Variants in ASAP1 observed in about 807,000 individuals in gnomAD.
ASAP1 encodes the protein arf-GAP with SH3 domain, ANK repeat and PH domain-containing protein 1.
In ASAP1, 43 loss-of-function variants were observed where a neutral mutation model predicts 145.2. The observed-to-expected ratio is 0.30, with a 90% CI of 0.23 to 0.38. The LOEUF (loss-of-function observed/expected upper bound fraction) is 0.38, where lower values mean the gene tolerates loss of function less well. Among genes scored for constraint, ASAP1 ranks in the 10% least tolerant of loss-of-function variants. The probability of loss-of-function intolerance (pLI) is 1.00; values close to 1 mark genes in which losing one functional copy is unlikely to be tolerated. For missense variants in ASAP1, 1,018 were observed against 1,355.3 expected, an observed-to-expected ratio of 0.75 and a Z score of 3.91; for synonymous variants, 546 against 515.5, an observed-to-expected ratio of 1.06 and a Z score of -0.80.
chr8:130,137,515 G>C (rs1372246167), intron 13 of ASAP1, among the ~76,000 whole-genome samples: 1 of 152,144 alleles, frequency 6.6e-6, no homozygotes, highest in Non-Finnish European at 1.5e-5. Context: ...AAATGTAGCT[G>C]AGCTATATTT....
chr8:130,088,698 A>G (rs554801189), intron 25 of ASAP1, among the ~76,000 whole-genome samples: 1 of 152,342 alleles, frequency 6.6e-6, no homozygotes, highest in African/African-American at 2.4e-5. Flanking sequence ...TATGCGTTAC[A>G]GGAGCCTCAG....
chr8:130,214,652 C>T lies in ASAP1; in HGVS notation c.309G>A (p.Gly103=), dbSNP rs186247599. 6.2e-7 allele frequency: 1 copy of T among 1,609,408 alleles called. No homozygotes were observed. Among genetic ancestry groups the T allele is most frequent in the Admixed American group, 1.7e-5 (1 of 59,310 alleles). The change falls in exon 5 of 30, where the codon GGG becomes GGA. Residue 103 remains glycine, a synonymous_variant. Coordinates refer to ENST00000518721, the MANE Select transcript of ASAP1 (RefSeq NM_018482.4). ...ENYAQVLDKF[G]SNFLSRDNPD... ...GGTTGTCTCGACTTAAAAAATTACTCCCAAACTTATCAAGAACTTGTGCAT... is the reference window on the plus strand; with the variant it reads ...GGTTGTCTCGACTTAAAAAATTACTTCCAAACTTATCAAGAACTTGTGCAT...
intron 3 of ASAP1, among the ~76,000 whole-genome samples, chr8:130,287,259 A>AGGAT (rs1307885890): frequency 1.3e-5 from 2 of 152,224 alleles, no homozygotes; most frequent in African/African-American, 4.8e-5. Context: ...AAAGTATAGA[A>AGGAT]GGATGACAGG....
intron 25 of ASAP1, among the ~76,000 whole-genome samples, chr8:130,087,707 G>C (rs1052416969): frequency 1.3e-5 from 2 of 152,136 alleles, no homozygotes; most frequent in African/African-American, 4.8e-5. Flanking sequence ...GAGGCCTCGA[G>C]TCTTGCCTAC....
intron 13 of ASAP1, among the ~76,000 whole-genome samples, chr8:130,149,873 C>A (rs2097642071): frequency 6.6e-6 from 1 of 152,116 alleles, no homozygotes; most frequent in Non-Finnish European, 1.5e-5. Context: ...TGGGCCAAAG[C>A]CAGTGAAAAG....
rs868515013 is a variant in ASAP1 at position 130,133,688 on chromosome 8, C to A, written c.1217+608G>T. 4.6e-3 allele frequency among the ~76,000 whole-genome samples: 637 copies of A among 137,708 alleles called. 3 individuals are homozygous for A. Among genetic ancestry groups the A allele is most frequent in the Non-Finnish European group, 7.9e-3 (502 of 63,362 alleles). The allele number at this position is 137,708 out of a possible 152,430, so 90.3% of individuals were successfully genotyped here. Reference sequence around the variant, plus strand: ...AAAAACAAACAAACAAACAAACAAACAAAAAAAAAAACAAAAAACTCCAAC... The same window carrying A: ...AAAAACAAACAAACAAACAAACAAAAAAAAAAAAAAACAAAAAACTCCAAC... On this transcript the variant is annotated intron_variant, in intron 15 of 29. Transcript: ENST00000518721.
intron 1 of ASAP1, among the ~76,000 whole-genome samples, chr8:130,416,793 C>T (rs538875304): frequency 1.3e-5 from 2 of 152,210 alleles, no homozygotes; most frequent in African/African-American, 4.8e-5. Context: ...AGTGGTAAAA[C>T]AGAAATCATA....
chr8:130,088,789 T>G (rs1415624277), intron 25 of ASAP1, among the ~76,000 whole-genome samples: 1 of 152,242 alleles, frequency 6.6e-6, no homozygotes, highest in African/African-American at 2.4e-5. Flanking sequence ...AGCTATCATT[T>G]ATTGGGTGCT....
intron 3 of ASAP1, among the ~76,000 whole-genome samples, chr8:130,289,147 C>T (rs924775930): frequency 3.9e-5 from 6 of 152,016 alleles, no homozygotes; most frequent in South Asian, 2.1e-4. Flanking sequence ...GTTGGTGCCA[C>T]GGCACTCCAG....
chr8:130,207,064 T>A (rs72722380), intron 5 of ASAP1, among the ~76,000 whole-genome samples: 5,295 of 152,324 alleles, frequency 0.035, 127 homozygotes, highest in Middle Eastern at 0.065. Flanking sequence ...TAGAAACAGC[T>A]AAAACTCAAG....
chr8:130,056,675 G>T (rs974022781), intron 29 of ASAP1, among the ~76,000 whole-genome samples: 4 of 152,230 alleles, frequency 2.6e-5, no homozygotes, highest in African/African-American at 9.6e-5. Flanking sequence ...ATGCCTATGT[G>T]TGTGTGCACA....
At chr8:130,438,706 A>G (rs1830397684) in intron 1 of ASAP1, among the ~76,000 whole-genome samples, 1 of 152,184 alleles carries the variant, frequency 6.6e-6, no homozygotes, top group Admixed American at 6.5e-5. Flanking sequence ...CCGACAGCTG[A>G]AGAATGCACA....
intron 6 of ASAP1, among the ~76,000 whole-genome samples, 191 bp from the exon 7 acceptor site, chr8:130,187,476 C>G (rs987827599): frequency 1.3e-5 from 2 of 151,168 alleles, no homozygotes; most frequent in Non-Finnish European, 2.9e-5. Context: ...AGTGCAGTGC[C>G]ACAATCACAG....
intron 5 of ASAP1, among the ~76,000 whole-genome samples, chr8:130,188,709 G>A (rs534632533): frequency 7.6e-6 from 1 of 130,860 alleles, no homozygotes; most frequent in Non-Finnish European, 1.6e-5. Flanking sequence ...TCCAGCCTGA[G>A]TGAGAGACTC....
chr8:130,422,719 G>A lies in ASAP1; in HGVS notation c.-28+20741C>T, dbSNP rs190037931. On this transcript the variant is annotated intron_variant, in intron 1 of 29. Transcript: ENST00000518721. ...ATCTTGGTTCATTTCCCATAAAGGG[G>A]ACAGGAGCCAGGGAACAGCAAGAGG... Among the ~76,000 whole-genome samples, 54 of 152,326 alleles carry A rather than the reference G, an allele frequency of 3.5e-4. 1 individual carries two copies. The highest frequency in any genetic ancestry group is 9.1e-4 in the Admixed American group (14 of 15,304).
intron 13 of ASAP1, among the ~76,000 whole-genome samples, chr8:130,138,836 CAAAA>C (rs754901058): frequency 1.2e-5 from 1 of 81,426 alleles, no homozygotes. Flanking sequence ...AACTCCGTCT[CAAAA>C]AAAAAAAAAA....
rs562761411 is a variant in ASAP1 at position 130,355,921 on chromosome 8, G to T, written c.186+2096C>A. ...AGAATAAAAATTGTAAAATTATTGT[G>T]CCATCCTGAAACATTGCTATATTTT... is the stretch of plus-strand genomic sequence containing the variant. On this transcript the variant is annotated intron_variant, in intron 3 of 29. Coordinates refer to ENST00000518721, the MANE Select transcript of ASAP1 (RefSeq NM_018482.4). 2.2e-3 allele frequency among the ~76,000 whole-genome samples: 333 copies of T among 152,154 alleles called. 1 individual carries two copies. The highest frequency in any genetic ancestry group is 7.6e-3 in the African/African-American group (315 of 41,506).
At position 130,058,137 on chromosome 8, in the gene ASAP1, G is replaced by A. The variant is rs1414723638; in HGVS notation, c.3193-61C>T. 4.1e-5 allele frequency: 64 copies of A among 1,578,226 alleles called. 1 individual carries two copies. Among genetic ancestry groups the A allele is most frequent in the South Asian group, 3.0e-4 (27 of 89,842 alleles). Reference sequence around the variant, plus strand: ...GGACTGAATGGAAAAAAAGAGCAGCGGTTCTTTGTAAAATGGTTGACCTTG... The same window carrying A: ...GGACTGAATGGAAAAAAAGAGCAGCAGTTCTTTGTAAAATGGTTGACCTTG... On this transcript the variant is annotated intron_variant, in intron 28 of 29. Coordinates refer to ENST00000518721, the MANE Select transcript of ASAP1 (RefSeq NM_018482.4).
Position 130,060,820 on chromosome 8 carries a change from G to A in ASAP1, c.2951C>T (p.Pro984Leu). ...KPQLSDLPPK[P>L]QMKDLPPKPQ... ...TTTGGGGGGCAGGTCCTTCATCTGT[G>A]GTTTGGGAGGTAAGTCTGAGAGTTG... The change falls in exon 28 of 30, where the codon CCA (proline) becomes CTA (leucine). Residue 984 changes from proline to leucine, a missense_variant. By Grantham distance (98) the Pro-to-Leu change is moderately conservative (BLOSUM62 -3). Coordinates refer to ENST00000518721, the MANE Select transcript of ASAP1 (RefSeq NM_018482.4). 3 of 1,614,092 alleles carry A rather than the reference G, an allele frequency of 1.9e-6. No individual in the cohort carries two copies. Among genetic ancestry groups the A allele is most frequent in the Non-Finnish European group, 2.5e-6 (3 of 1,180,026 alleles).
Sources: gnomAD v4.1 joint callset for allele counts (sites outside exome capture counted in the v4.1 genomes callset) on GRCh38, gnomAD v4.1.1 for gene constraint, MANE v1.5 for transcripts, NCBI Gene and HGNC (gene_info 2026-07-23, HGNC 2026-07-21) for gene names.